OTULINL: variants seen among roughly 807,000 people sequenced by gnomAD.
OTULINL encodes OTU deubiquitinase with linear linkage specificity like.
Under a neutral mutation model 43.9 loss-of-function variants are expected in OTULINL, and 42 were observed. That is an observed-to-expected ratio of 0.96 (90% confidence interval 0.75 to 1.24). The LOEUF (loss-of-function observed/expected upper bound fraction) is 1.24, where lower values mean the gene tolerates loss of function less well. Ranked by LOEUF, OTULINL falls within the 50% of genes most tolerant of loss-of-function variation. The pLI is 0.00. For synonymous variants in OTULINL, 172 were observed against 153.6 expected (o/e 1.12, Z -0.88); for missense variants, 411 against 426.4 (o/e 0.96, Z 0.32).
rs183876492 is a variant in OTULINL, at chr5:14,610,968, T to C, written c.*654T>C. Reference sequence around the variant, plus strand: ...TACAGTTTGTTTTATATCTCTTTACTTTTTTTGTTACTATTTTATCTGGCC... The same window carrying C: ...TACAGTTTGTTTTATATCTCTTTACCTTTTTTGTTACTATTTTATCTGGCC... On this transcript the variant is annotated 3_prime_UTR_variant, in exon 8 of 8. Transcript: ENST00000274217. 1 of 152,308 alleles carries C rather than the reference T, an allele frequency of 6.6e-6. No homozygotes were observed. The highest frequency in any genetic ancestry group is 6.5e-5 in the Admixed American group (1 of 15,294). 9.4% of individuals were successfully genotyped at this position (152,308 alleles called of 1,614,324 possible). A position where few individuals can be genotyped will look rare whatever the true frequency, so the allele number is the denominator to read the frequency against.
At chr5:14,609,701 G>A (rs974011953) in intron 7 of OTULINL, among the ~76,000 whole-genome samples, 3 of 142,502 alleles carry the variant, frequency 2.1e-5, no homozygotes, top group Admixed American at 7.4e-5. Flanking sequence ...CGCGATCTCC[G>A]CTCACTGCAA....
chr5:14,609,298 T>C (rs1408309111), intron 7 of OTULINL, among the ~76,000 whole-genome samples: 1 of 152,178 alleles, frequency 6.6e-6, no homozygotes, highest in Non-Finnish European at 1.5e-5. Flanking sequence ...TTCTCTCACA[T>C]AGACGTTCAC....
intron 2 of OTULINL, 41 bp from the exon 3 acceptor site, chr5:14,601,172 A>T (rs1759382606): frequency 6.2e-7 from 1 of 1,612,056 alleles, no homozygotes. Context: ...TTTACTATTC[A>T]AAGCAGAATT....
At chr5:14,606,266 T>C (rs916186004) in intron 5 of OTULINL, among the ~76,000 whole-genome samples, 2 of 152,176 alleles carry the variant, frequency 1.3e-5, no homozygotes, top group Admixed American at 6.5e-5. Context: ...GTGAGACTTA[T>C]TGACTATCAT....
intron 1 of OTULINL, 130 bp from the exon 2 acceptor site, chr5:14,600,835 T>C: frequency 1.2e-6 from 1 of 839,484 alleles, no homozygotes; most frequent in South Asian, 4.1e-5. Flanking sequence ...TTTAAAAATA[T>C]TTATGTAAAT....
In OTULINL at chr5:14,615,682, A is replaced by G. The variant is rs1759662379; in HGVS notation, c.*5368A>G. Reference sequence around the variant, plus strand: ...CCTTTAGCCGTAGATAAACATTAAAAGGAAGACTCAGCCCCAGAGTATATT... The same window carrying G: ...CCTTTAGCCGTAGATAAACATTAAAGGGAAGACTCAGCCCCAGAGTATATT... On this transcript the variant is annotated 3_prime_UTR_variant, in exon 8 of 8. Coordinates refer to ENST00000274217, the MANE Select transcript of OTULINL (RefSeq NM_019018.3). Among the ~76,000 whole-genome samples the G allele has an allele frequency of 6.6e-6, 1 of 151,974 alleles. No homozygotes were observed. Among genetic ancestry groups the G allele is most frequent in the Admixed American group, 6.6e-5 (1 of 15,260 alleles).
intron 5 of OTULINL, among the ~76,000 whole-genome samples, chr5:14,605,819 C>G (rs1201762269): frequency 6.6e-6 from 1 of 152,234 alleles, no homozygotes; most frequent in Non-Finnish European, 1.5e-5. Context: ...CCACCTGAGA[C>G]TACCTCAGCC....
chr5:14,601,983 T>G (rs1759396359), intron 4 of OTULINL, among the ~76,000 whole-genome samples, 200 bp from the exon 5 acceptor site: 1 of 152,224 alleles, frequency 6.6e-6, no homozygotes. Flanking sequence ...TCCCTGGCTC[T>G]GCTTCCAGGA....
Position 14,581,819 on chromosome 5 carries a change from G to C in OTULINL, c.-76G>C. The stretch of plus-strand genomic sequence containing the variant: ...CTCAGGGAAGCGAGCCCGGGCGCCG[G>C]CGGGCGGCCGTCGCGTCTGACAGAC... On this transcript the variant is annotated 5_prime_UTR_variant, in exon 1 of 8. Transcript: ENST00000274217. The C allele has an allele frequency of 8.3e-7, 1 of 1,206,042 alleles. No individual in the cohort carries two copies. Among genetic ancestry groups the C allele is most frequent in the Non-Finnish European group, 1.1e-6 (1 of 949,670 alleles). 74.7% of individuals were successfully genotyped at this position (1,206,042 alleles called of 1,614,324 possible).
At position 14,608,735 on chromosome 5, in the gene OTULINL, C is replaced by T. The variant is rs1350395128; in HGVS notation, c.628-13C>T. On this transcript the variant is annotated splice_polypyrimidine_tract_variant and intron_variant, in intron 6 of 7. Transcript: ENST00000274217. ...TTTATCCTTCTGAATTTCACTTTTA[C>T]ATCTGTTTTTAGTGGACTGAATTTA... 9 of 1,581,538 alleles carry T rather than the reference C, an allele frequency of 5.7e-6. No homozygotes were observed. The highest frequency in any genetic ancestry group is 1.7e-4 in the Middle Eastern group (1 of 5,936).
intron 1 of OTULINL, among the ~76,000 whole-genome samples, chr5:14,600,088 A>G (rs1759357767): frequency 6.6e-6 from 1 of 152,208 alleles, no homozygotes; most frequent in Non-Finnish European, 1.5e-5. Flanking sequence ...TGAATTATAT[A>G]ATCCCCAAGT....
At position 14,581,858 on chromosome 5, in the gene OTULINL, G is replaced by T; in HGVS notation, c.-37G>T. 2.2e-6 allele frequency: 3 copies of T among 1,385,150 alleles called. No individual in the cohort carries two copies. Among genetic ancestry groups the T allele is most frequent in the Non-Finnish European group, 2.8e-6 (3 of 1,070,140 alleles). 85.8% of individuals were successfully genotyped at this position (1,385,150 alleles called of 1,614,324 possible). A position where few individuals can be genotyped will look rare whatever the true frequency, so the allele number is the denominator to read the frequency against. On this transcript the variant is annotated 5_prime_UTR_variant, in exon 1 of 8. Transcript: ENST00000274217. ...CGTCTGACAGACCACTGCAGACCAC[G>T]GGCCGAGGCCCAGCGCCCGTCCGCA... is the stretch of plus-strand genomic sequence containing the variant.
chr5:14,601,282 G>T, intron 3 of OTULINL, 38 bp downstream of exon 3: 1 of 1,609,686 alleles, frequency 6.2e-7, no homozygotes, highest in Non-Finnish European at 8.5e-7. Flanking sequence ...TATTTTTAAG[G>T]TGCAGAGAGG....
At position 14,581,862 on chromosome 5, in the gene OTULINL, C is replaced by T; in HGVS notation, c.-33C>T. On this transcript the variant is annotated 5_prime_UTR_variant, in exon 1 of 8. Transcript: ENST00000274217. Reference sequence around the variant, plus strand: ...TGACAGACCACTGCAGACCACGGGCCGAGGCCCAGCGCCCGTCCGCAGCGC... The same window carrying T: ...TGACAGACCACTGCAGACCACGGGCTGAGGCCCAGCGCCCGTCCGCAGCGC... 1 of 1,393,808 alleles carries T rather than the reference C, an allele frequency of 7.2e-7. No individual in the cohort carries two copies. The highest frequency in any genetic ancestry group is 9.3e-7 in the Non-Finnish European group (1 of 1,074,008). The allele number at this position is 1,393,808 out of a possible 1,614,324, so 86.3% of individuals were successfully genotyped here.
At chr5:14,606,596 G>A (rs1305159051) in intron 5 of OTULINL, among the ~76,000 whole-genome samples, 1 of 152,184 alleles carries the variant, frequency 6.6e-6, no homozygotes, top group African/African-American at 2.4e-5. Context: ...TGGAGGATGA[G>A]GCTAAGAAGT....
At chr5:14,582,941 C>T (rs1456543725) in intron 1 of OTULINL, among the ~76,000 whole-genome samples, 3 of 152,070 alleles carry the variant, frequency 2.0e-5, no homozygotes, top group Non-Finnish European at 4.4e-5. Context: ...CCTAACCAGC[C>T]CCGAGAAAGA....
chr5:14,583,706 CAT>C (rs1284723694), intron 1 of OTULINL, among the ~76,000 whole-genome samples: 1 of 152,186 alleles, frequency 6.6e-6, no homozygotes, highest in African/African-American at 2.4e-5. Context: ...TTCTCCAAAA[CAT>C]AACTTCTGAT....
In OTULINL at chr5:14,601,573, G is replaced by A. The variant is rs566188181; in HGVS notation, c.348+131G>A. 5.7e-5 allele frequency: 48 copies of A among 837,940 alleles called. No individual in the cohort carries two copies. In the African/African-American group the frequency reaches 6.6e-4, roughly 11 times the overall value. The allele number at this position is 837,940 out of a possible 1,614,324, so 51.9% of individuals were successfully genotyped here. ...AAATGTGAGTCAAGTAACAACTGTG[G>A]CTCTAACTCAAAAGCCAAATGGCTG... On this transcript the variant is annotated intron_variant, in intron 4 of 7. Transcript: ENST00000274217.
At chr5:14,596,212 G>A (rs1759285256) in intron 1 of OTULINL, among the ~76,000 whole-genome samples, 1 of 152,046 alleles carries the variant, frequency 6.6e-6, no homozygotes, top group Admixed American at 6.6e-5. Flanking sequence ...TATGTAGAAT[G>A]ACTGAATTCG....
Sources: allele counts gnomAD v4.1 joint callset (sites outside exome capture counted in the v4.1 genomes callset), GRCh38; gene constraint gnomAD v4.1.1; transcripts MANE v1.5; gene names NCBI Gene and HGNC (gene_info 2026-07-23, HGNC 2026-07-21).